Variants in ERCC4 observed in about 807,000 individuals in gnomAD.
ERCC4 encodes the protein ERCC excision repair 4, endonuclease catalytic subunit, also known as DNA repair endonuclease XPF.
Under a neutral mutation model 76.9 loss-of-function variants are expected in ERCC4, and 65 were observed. The observed-to-expected ratio is 0.84, with a 90% CI of 0.69 to 1.04. The LOEUF is 1.04. ERCC4 is among the 50% of genes least tolerant of loss of function. The probability of loss-of-function intolerance (pLI) is 0.00; values close to 1 mark genes in which losing one functional copy is unlikely to be tolerated. For missense variants in ERCC4, 1,214 were observed against 1,128.2 expected (o/e 1.08, Z -1.09); for synonymous variants, 463 against 410.1 (o/e 1.13, Z -1.56).
intron 4 of ERCC4, among the ~76,000 whole-genome samples, chr16:13,929,570 A>G (rs868810902): frequency 1.3e-5 from 2 of 152,364 alleles, no homozygotes; most frequent in African/African-American, 4.8e-5. Flanking sequence ...TAACAGAATC[A>G]GTCTGTGAAG....
chr16:13,931,984 C>A, intron 5 of ERCC4, 173 bp from the exon 6 acceptor site: 2 of 659,906 alleles, frequency 3.0e-6, no homozygotes, highest in Non-Finnish European at 5.4e-6. Context: ...CGGACCACAC[C>A]CAGAAAACCA....
intron 9 of ERCC4, among the ~76,000 whole-genome samples, chr16:13,940,371 G>A (rs1315450006): frequency 4.7e-5 from 7 of 150,224 alleles, no homozygotes; most frequent in African/African-American, 7.4e-5. Context: ...CTGGGCAACC[G>A]AGTGACCCCC....
intron 4 of ERCC4, among the ~76,000 whole-genome samples, chr16:13,929,202 A>T (rs938156973): frequency 6.6e-6 from 1 of 152,208 alleles, no homozygotes; most frequent in African/African-American, 2.4e-5. Flanking sequence ...CCGGTTAGTA[A>T]CAGTCACTTC....
chr16:13,930,696 T>C lies in ERCC4; in HGVS notation c.793-14T>C, dbSNP rs1208874601. 11 of 1,606,840 alleles carry C rather than the reference T, an allele frequency of 6.8e-6. No homozygotes were observed. Among genetic ancestry groups the C allele is most frequent in the Non-Finnish European group, 9.4e-6 (11 of 1,173,658 alleles). ...AACATATTTTAGCAATACCAAATTT[T>C]ATTCTTGTTTTAGACAATCCGCCAT... is the stretch of plus-strand genomic sequence containing the variant. On this transcript the variant is annotated splice_polypyrimidine_tract_variant and intron_variant, in intron 4 of 10. Coordinates refer to ENST00000311895, the MANE Select transcript of ERCC4 (RefSeq NM_005236.3).
intron 10 of ERCC4, among the ~76,000 whole-genome samples, chr16:13,947,385 G>C (rs1389685552): frequency 1.3e-5 from 2 of 152,212 alleles, no homozygotes; most frequent in Non-Finnish European, 2.9e-5. Flanking sequence ...TCGCAAGTAA[G>C]GAACTACTGA....
Position 13,920,155 on chromosome 16 carries a change from GA to G in ERCC4, c.-9del. 1 of 1,603,390 alleles carries G rather than the reference GA, an allele frequency of 6.2e-7. No individual in the cohort carries two copies. Among genetic ancestry groups the G allele is most frequent in the South Asian group, 1.1e-5 (1 of 91,048 alleles). ...TTCGGCTGCGTTCGGCTGCGACCCG[GA>G]AGAGCTTCCATGGAGTCAGGGCAGC... On this transcript the variant is annotated 5_prime_UTR_variant, in exon 1 of 11. Coordinates refer to ENST00000311895, the MANE Select transcript of ERCC4 (RefSeq NM_005236.3).
chr16:13,925,289 A>G (rs907439809), intron 2 of ERCC4, among the ~76,000 whole-genome samples: 4 of 152,180 alleles, frequency 2.6e-5, no homozygotes, highest in Non-Finnish European at 5.9e-5. Flanking sequence ...TTTTCTTTGG[A>G]AGTTCATTTT....
intron 2 of ERCC4, among the ~76,000 whole-genome samples, chr16:13,925,813 A>G (rs928710380): frequency 6.6e-6 from 1 of 152,142 alleles, no homozygotes; most frequent in African/African-American, 2.4e-5. Flanking sequence ...CTAACTTAGC[A>G]CTAATCACAC....
chr16:13,928,198 T>G lies in ERCC4; in HGVS notation c.755T>G (p.Leu252Ter). Reference sequence around the variant, plus strand: ...AACCCATCGCTTGAAGTGGAAGATTTATCTTTAGAAAATGCTATTGGAAAA... The same window carrying G: ...AACCCATCGCTTGAAGTGGAAGATTGATCTTTAGAAAATGCTATTGGAAAA... ...CHNPSLEVED[L>*]SLENAIGKPF... Residue 252 changes from leucine to a stop codon, truncating the protein, a stop_gained, in exon 4 of 11, where the codon TTA becomes TGA. Coordinates refer to ENST00000311895, the MANE Select transcript of ERCC4 (RefSeq NM_005236.3). LOFTEE classifies it high-confidence loss of function. 1 of 1,613,664 alleles carries G rather than the reference T, an allele frequency of 6.2e-7. No homozygotes were observed. Among genetic ancestry groups the G allele is most frequent in the Non-Finnish European group, 8.5e-7 (1 of 1,179,756 alleles).
intron 6 of ERCC4, chr16:13,933,044 TCAA>T: frequency 5.1e-5 from 8 of 156,368 alleles, no homozygotes; most frequent in Admixed American, 9.9e-5. Flanking sequence ...AGACTCGGTC[TCAA>T]AAAAAAAAAA....
chr16:13,921,720 C>G lies in ERCC4; in HGVS notation c.208-311C>G, dbSNP rs3136055. Among the ~76,000 whole-genome samples, 8,332 of 152,224 alleles carry G rather than the reference C, an allele frequency of 0.055. 327 individuals carry two copies. Among genetic ancestry groups the G allele is most frequent in the Middle Eastern group, 0.13 (38 of 294 alleles). On this transcript the variant is annotated intron_variant, in intron 1 of 10. Coordinates refer to ENST00000311895, the MANE Select transcript of ERCC4 (RefSeq NM_005236.3). ...ACCTGGCTTTGGTGGGAAGTATTTT[C>G]TAGGTAGCAGAAATCTTTTAATCCA...
chr16:13,932,202 G>C lies in ERCC4; in HGVS notation c.1019G>C (p.Arg340Pro), dbSNP rs753728949. Residue 340 changes from arginine (R) to proline (P), a missense_variant, in exon 6 of 11, where the codon CGA becomes CCA. Physicochemically the swap from Arg to Pro is moderately radical, Grantham distance 103. Coordinates refer to ENST00000311895, the MANE Select transcript of ERCC4 (RefSeq NM_005236.3). ...AGCACCTCGATGTTTATAAATGCTC[G>C]AGCAAGGGTTTATCATCTTCCAGAT... The part of the protein sequence containing the change: ...DSSTSMFINA[R>P]ARVYHLPDAK... The C allele has an allele frequency of 6.2e-7, 1 of 1,613,202 alleles. No homozygotes were observed. The highest frequency in any genetic ancestry group is 8.5e-7 in the Non-Finnish European group (1 of 1,179,272).
At chr16:13,920,433 G>A (rs1440604884) in intron 1 of ERCC4, 61 bp downstream of exon 1, 1 of 1,413,124 alleles carries the variant, frequency 7.1e-7, no homozygotes, top group Non-Finnish European at 9.7e-7. Flanking sequence ...CTCCTGAGCG[G>A]ATGCGAGGCC....
intron 4 of ERCC4, 67 bp from the exon 5 acceptor site, chr16:13,930,643 A>T: frequency 8.7e-7 from 1 of 1,154,634 alleles, no homozygotes; most frequent in South Asian, 1.3e-5. Context: ...TTTTGAAAGT[A>T]TGATTTGTAT....
Position 13,935,588 on chromosome 16 carries a change from TATC to T in ERCC4, c.1660_1662del (p.Ile554del). ...TCGGAATCCTGAAAGAACCCCTCAC[TATC>T]ATCCATCCGCTTCTGGGTTGCAGCG... On this transcript the variant is annotated inframe_deletion, in exon 8 of 11. Coordinates refer to ENST00000311895, the MANE Select transcript of ERCC4 (RefSeq NM_005236.3). 1.9e-6 allele frequency: 3 copies of T among 1,614,192 alleles called. No individual in the cohort carries two copies. Among genetic ancestry groups the T allele is most frequent in the Non-Finnish European group, 2.5e-6 (3 of 1,180,026 alleles).
chr16:13,940,344 T>C (rs1296884402), intron 9 of ERCC4, among the ~76,000 whole-genome samples: 1 of 150,332 alleles, frequency 6.7e-6, no homozygotes, highest in African/African-American at 2.5e-5. Context: ...GCTTAGATCG[T>C]GCCACTGCAC....
chr16:13,934,725 A>G (rs570380495), intron 7 of ERCC4: 3 of 237,656 alleles, frequency 1.3e-5, no homozygotes, highest in African/African-American at 6.9e-5. Context: ...CAACTCTTCT[A>G]TTACTTCAAT....
chr16:13,920,363 G>A lies in ERCC4; in HGVS notation c.198G>A (p.Pro66=). ...TGGTGCTGGTGCTCAACACGCAGCCGGCCGAGGAGGTGCGGCCGCGCTGGC... is the reference window on the plus strand; with the variant it reads ...TGGTGCTGGTGCTCAACACGCAGCCAGCCGAGGAGGTGCGGCCGCGCTGGC... The part of the protein sequence containing the change: ...ACLVLVLNTQ[P]AEEEYFINQL... Residue 66 remains proline (P), a synonymous_variant, in exon 1 of 11, where the codon CCG becomes CCA. Transcript: ENST00000311895. 1 of 1,579,358 alleles carries A rather than the reference G, an allele frequency of 6.3e-7. No homozygotes were observed. The highest frequency in any genetic ancestry group is 8.5e-7 in the Non-Finnish European group (1 of 1,170,050).
intron 4 of ERCC4, among the ~76,000 whole-genome samples, chr16:13,929,292 A>G (rs1275026977): frequency 2.0e-5 from 3 of 152,224 alleles, no homozygotes; most frequent in Non-Finnish European, 4.4e-5. Flanking sequence ...AATATTTTGT[A>G]GATGATTTTA....
Sources: gnomAD v4.1 joint callset for allele counts (sites outside exome capture counted in the v4.1 genomes callset) on GRCh38, gnomAD v4.1.1 for gene constraint, MANE v1.5 for transcripts, NCBI Gene and HGNC (gene_info 2026-07-23, HGNC 2026-07-21) for gene names.